GALNT17: variants seen among roughly 807,000 people sequenced by gnomAD.
GALNT17 encodes the protein polypeptide N-acetylgalactosaminyltransferase 17.
Under a neutral mutation model 63.7 loss-of-function variants are expected in GALNT17, and 29 were observed. The ratio of observed to expected loss-of-function variants is 0.46; its 90% confidence interval spans 0.34 to 0.62. The LOEUF is 0.62. Ranked by LOEUF, GALNT17 falls within the 20% of genes least tolerant of loss-of-function variation. The pLI, the probability that GALNT17 is intolerant of heterozygous loss-of-function variation, is 0.01. For missense variants in GALNT17, 603 were observed against 799.6 expected (o/e 0.75, Z 2.97); for synonymous variants, 305 against 318.3 (o/e 0.96, Z 0.45).
chr7:71,667,939 ACAGGCTTG>A (rs904279110), intron 7 of GALNT17, among the ~76,000 whole-genome samples: 3 of 152,090 alleles, frequency 2.0e-5, no homozygotes, highest in Admixed American at 6.5e-5. Flanking sequence ...AGCTGGGACC[ACAGGCTTG>A]CGCCCTCTAC....
chr7:71,216,046 A>AAAT (rs1554339811), intron 1 of GALNT17, among the ~76,000 whole-genome samples: 4,240 of 114,318 alleles, frequency 0.037, 202 homozygotes, highest in African/African-American at 0.11. Context: ...TTGTCTCCAT[A>AAAT]AATAATAATA....
chr7:71,545,581 G>C (rs1189503311), intron 5 of GALNT17, among the ~76,000 whole-genome samples: 1 of 152,076 alleles, frequency 6.6e-6, no homozygotes, highest in South Asian at 2.1e-4. Context: ...CAAACTCCTG[G>C]CTTCTAGCGA....
At chr7:71,467,960 C>G (rs1787564325) in intron 5 of GALNT17, among the ~76,000 whole-genome samples, 1 of 151,966 alleles carries the variant, frequency 6.6e-6, no homozygotes, top group South Asian at 2.1e-4. Context: ...CCAGGCCTTG[C>G]ACCTGGATTT....
chr7:71,461,278 A>G lies in GALNT17; in HGVS notation c.962+40173A>G, dbSNP rs1248345292. Among the ~76,000 whole-genome samples the G allele has an allele frequency of 2.0e-5, 3 of 152,236 alleles. No homozygotes were observed. In the East Asian group the frequency reaches 5.8e-4, roughly 29 times the overall value. ...CATCACTGTGAACATTGGAAATACT[A>G]TCTCCAGGATGTTAGAAAACACTTT... On this transcript the variant is annotated intron_variant, in intron 5 of 10. Transcript: ENST00000333538.
At chr7:71,306,465 A>G (rs899425455) in intron 1 of GALNT17, among the ~76,000 whole-genome samples, 2 of 151,878 alleles carry the variant, frequency 1.3e-5, no homozygotes, top group Admixed American at 6.6e-5. Context: ...TACATACCTC[A>G]TTTAAGTGAA....
chr7:71,665,612 C>A lies in GALNT17; in HGVS notation c.1266+16C>A. The A allele has an allele frequency of 6.2e-7, 1 of 1,610,410 alleles. No homozygotes were observed. Among genetic ancestry groups the A allele is most frequent in the Non-Finnish European group, 8.5e-7 (1 of 1,178,666 alleles). ...GCCGCTGGAGGTAGGGATCACCAGC[C>A]TTTCCCCACCACCCCAGTACAGTGA... is the stretch of plus-strand genomic sequence containing the variant. On this transcript the variant is annotated intron_variant, in intron 7 of 10. Transcript: ENST00000333538.
intron 5 of GALNT17, among the ~76,000 whole-genome samples, chr7:71,460,901 C>A (rs543330776): frequency 6.6e-6 from 1 of 152,212 alleles, no homozygotes; most frequent in South Asian, 2.1e-4. Context: ...GGGTTTTGGC[C>A]GGCTTCTTTA....
At chr7:71,348,306 G>A (rs1268918012) in intron 2 of GALNT17, among the ~76,000 whole-genome samples, 1 of 152,000 alleles carries the variant, frequency 6.6e-6, no homozygotes, top group South Asian at 2.1e-4. Flanking sequence ...AACTGTGTAA[G>A]AAAGAATTCC....
At position 71,389,046 on chromosome 7, in the gene GALNT17, C is replaced by T. The variant is rs535189050; in HGVS notation, c.589+645C>T. ...TGCTGGAATTACTGCCTGAGCTCCA[C>T]CTCCTGTCAGATCAGCAGTAGCATT... On this transcript the variant is annotated intron_variant, in intron 3 of 10. Transcript: ENST00000333538. 1.1e-3 allele frequency among the ~76,000 whole-genome samples: 174 copies of T among 152,308 alleles called. 1 individual carries two copies. Among genetic ancestry groups the T allele is most frequent in the Admixed American group, 3.6e-3 (55 of 15,302 alleles).
chr7:71,354,969 A>G (rs1384041691), intron 2 of GALNT17, among the ~76,000 whole-genome samples: 2 of 152,086 alleles, frequency 1.3e-5, no homozygotes, highest in African/African-American at 4.8e-5. Flanking sequence ...TAGGCTTTTA[A>G]ATTTATTTGT....
At chr7:71,270,272 ATC>A (rs1790561405) in intron 1 of GALNT17, among the ~76,000 whole-genome samples, 1 of 152,048 alleles carries the variant, frequency 6.6e-6, no homozygotes, top group Non-Finnish European at 1.5e-5. Flanking sequence ...TATCTCCTCT[ATC>A]TCTCAATTTT....
chr7:71,296,493 T>C (rs1791081455), intron 1 of GALNT17, among the ~76,000 whole-genome samples: 1 of 151,996 alleles, frequency 6.6e-6, no homozygotes, highest in African/African-American at 2.4e-5. Flanking sequence ...CAGGTGCCTG[T>C]AATCCCAGCT....
intron 2 of GALNT17, among the ~76,000 whole-genome samples, chr7:71,350,843 T>C (rs1233730104): frequency 6.6e-6 from 1 of 152,052 alleles, no homozygotes; most frequent in Non-Finnish European, 1.5e-5. Flanking sequence ...AAACAGCAGC[T>C]CAAAACTCTG....
chr7:71,678,687 C>A (rs141606689), intron 9 of GALNT17, among the ~76,000 whole-genome samples: 1 of 151,452 alleles, frequency 6.6e-6, no homozygotes, highest in African/African-American at 2.4e-5. Context: ...CCCAGCTACT[C>A]GGGAGGCTGA....
intron 5 of GALNT17, among the ~76,000 whole-genome samples, chr7:71,514,990 G>T (rs963510696): frequency 1.3e-5 from 2 of 152,110 alleles, no homozygotes; most frequent in Non-Finnish European, 2.9e-5. Context: ...TTTATAAGGG[G>T]TTTCCCTTTT....
intron 6 of GALNT17, among the ~76,000 whole-genome samples, chr7:71,663,013 A>G (rs374485493): frequency 6.6e-6 from 1 of 152,102 alleles, no homozygotes; most frequent in South Asian, 2.1e-4. Context: ...GTTGACCATA[A>G]GTGTGAGAGT....
intron 1 of GALNT17, among the ~76,000 whole-genome samples, chr7:71,275,664 G>C (rs1790670299): frequency 6.6e-6 from 1 of 152,216 alleles, no homozygotes; most frequent in South Asian, 2.1e-4. Flanking sequence ...GTTTTGAGCT[G>C]TCTGAAGGTT....
chr7:71,196,813 C>T (rs1042017787), intron 1 of GALNT17, among the ~76,000 whole-genome samples: 2 of 151,828 alleles, frequency 1.3e-5, no homozygotes, highest in African/African-American at 4.8e-5. Flanking sequence ...GCAATGATGC[C>T]TGGCTAATTT....
At chr7:71,501,079 C>T (rs1788173177) in intron 5 of GALNT17, among the ~76,000 whole-genome samples, 1 of 152,230 alleles carries the variant, frequency 6.6e-6, no homozygotes, top group African/African-American at 2.4e-5. Flanking sequence ...AAGCGATTCC[C>T]CTGCCTCAGC....
Sources: allele counts gnomAD v4.1 joint callset (sites outside exome capture counted in the v4.1 genomes callset), GRCh38; gene constraint gnomAD v4.1.1; transcripts MANE v1.5; gene names NCBI Gene and HGNC (gene_info 2026-07-23, HGNC 2026-07-21).